Variants in KIAA0319L observed in about 807,000 individuals in gnomAD.
KIAA0319L encodes KIAA0319 like.
Under a neutral mutation model 120.1 loss-of-function variants are expected in KIAA0319L, and 55 were observed. The observed-to-expected ratio is 0.46, with a 90% CI of 0.37 to 0.57. KIAA0319L has a LOEUF of 0.57. Among genes scored for constraint, KIAA0319L ranks in the 20% least tolerant of loss-of-function variants. The probability of loss-of-function intolerance (pLI) is 0.00; values close to 1 mark genes in which losing one functional copy is unlikely to be tolerated. For synonymous variants in KIAA0319L, 398 were observed against 471.9 expected, an observed-to-expected ratio of 0.84 and a Z score of 2.03; for missense variants, 1,049 against 1,255.3, an observed-to-expected ratio of 0.84 and a Z score of 2.48.
At chr1:35,524,948 TCTAG>T (rs1646063146) in intron 2 of KIAA0319L, among the ~76,000 whole-genome samples, 1 of 152,180 alleles carries the variant, frequency 6.6e-6, no homozygotes, top group African/African-American at 2.4e-5. Context: ...GTTCCTTCTA[TCTAG>T]CTGTGTGTAT....
chr1:35,523,434 T>C (rs544655954), intron 2 of KIAA0319L, among the ~76,000 whole-genome samples: 12 of 152,334 alleles, frequency 7.9e-5, no homozygotes, highest in Non-Finnish European at 1.5e-4. Flanking sequence ...CATATGTGTA[T>C]ATGAATGAAG....
chr1:35,478,878 T>C, intron 4 of KIAA0319L, 88 bp downstream of exon 4: 3 of 1,449,110 alleles, frequency 2.1e-6, no homozygotes, highest in Non-Finnish European at 2.8e-6. Flanking sequence ...ATTCAAGTTA[T>C]GCCTCCCTTC....
intron 3 of KIAA0319L, among the ~76,000 whole-genome samples, chr1:35,500,397 T>C (rs1644962176): frequency 6.6e-6 from 1 of 152,122 alleles, no homozygotes; most frequent in Non-Finnish European, 1.5e-5. Flanking sequence ...AAGGGTGCAA[T>C]ACTTAAACTA....
Position 35,443,042 on chromosome 1 carries a change from C to A in KIAA0319L, c.2657-14G>T. 1 of 1,614,010 alleles carries A rather than the reference C, an allele frequency of 6.2e-7. No homozygotes were observed. Among genetic ancestry groups the A allele is most frequent in the South Asian group, 1.1e-5 (1 of 91,064 alleles). ...TCAGCTGACATGCTGAGAGTGGCAGCAAAGGGAAGAAAGTCAACAAGACTC... is the reference window on the plus strand; with the variant it reads ...TCAGCTGACATGCTGAGAGTGGCAGAAAAGGGAAGAAAGTCAACAAGACTC... On this transcript the variant is annotated splice_polypyrimidine_tract_variant and intron_variant, in intron 17 of 20. Transcript: ENST00000325722.
intron 2 of KIAA0319L, among the ~76,000 whole-genome samples, chr1:35,518,731 C>T (rs1192026297): frequency 2.0e-5 from 3 of 152,114 alleles, no homozygotes; most frequent in African/African-American, 7.2e-5. Flanking sequence ...TGGCCAGGCA[C>T]AGTGGCTCAC....
chr1:35,551,540 A>G (rs1489247637), intron 2 of KIAA0319L, among the ~76,000 whole-genome samples: 1 of 152,034 alleles, frequency 6.6e-6, no homozygotes, highest in East Asian at 1.9e-4. Context: ...GGTGGTCTTG[A>G]ACTCCTAACC....
intron 1 of KIAA0319L, 90 bp from the exon 2 acceptor site, chr1:35,554,609 G>A: frequency 1.0e-6 from 1 of 958,898 alleles, no homozygotes; most frequent in Non-Finnish European, 1.5e-6. Flanking sequence ...TGACAGATTA[G>A]GGGAAAGAAA....
At position 35,437,330 on chromosome 1, in the gene KIAA0319L, C is replaced by G. The variant is rs1640873192; in HGVS notation, c.2963-2249G>C. On this transcript the variant is annotated intron_variant, in intron 20 of 20. Coordinates refer to ENST00000325722, the MANE Select transcript of KIAA0319L (RefSeq NM_024874.5). The surrounding 1 kb of genome is among the most constrained non-coding windows in gnomAD (Gnocchi z 4.1). ...CCCTTTCTCTCCTCTCTTCCCTTCT[C>G]CCTCCTTCCTCCTCAGTCAGGAAGC... Among the ~76,000 whole-genome samples, 1 of 152,156 alleles carries G rather than the reference C, an allele frequency of 6.6e-6. No homozygotes were observed.
chr1:35,440,759 GA>G, intron 20 of KIAA0319L: 1 of 430,868 alleles, frequency 2.3e-6, no homozygotes, highest in Non-Finnish European at 4.3e-6. Flanking sequence ...GGGGCAGTTG[GA>G]AAAGCGGAAC....
chr1:35,464,766 C>T (rs993860405), intron 7 of KIAA0319L, among the ~76,000 whole-genome samples: 1 of 152,184 alleles, frequency 6.6e-6, no homozygotes, highest in African/African-American at 2.4e-5. Flanking sequence ...AAAATGGTTT[C>T]GTGGGCCAGG....
intron 2 of KIAA0319L, among the ~76,000 whole-genome samples, chr1:35,530,982 G>C (rs906612336): frequency 6.6e-6 from 1 of 152,182 alleles, no homozygotes; most frequent in Admixed American, 6.5e-5. Flanking sequence ...CTCAGGGTGC[G>C]TGAAAGTGTG....
chr1:35,526,483 T>C (rs948454760), intron 2 of KIAA0319L, among the ~76,000 whole-genome samples: 27 of 149,640 alleles, frequency 1.8e-4, no homozygotes, highest in African/African-American at 6.1e-4. Flanking sequence ...TCTCGCTTTG[T>C]TGCCCAGGCT....
chr1:35,451,830 C>A, intron 12 of KIAA0319L, 54 bp from the exon 13 acceptor site: 1 of 1,574,290 alleles, frequency 6.4e-7, no homozygotes, highest in Non-Finnish European at 8.7e-7. Flanking sequence ...GCTGTCCTGT[C>A]CCTAACTTAG....
At chr1:35,500,993 G>C (rs1207314305) in intron 3 of KIAA0319L, among the ~76,000 whole-genome samples, 1 of 150,164 alleles carries the variant, frequency 6.7e-6, no homozygotes, top group Non-Finnish European at 1.5e-5. Flanking sequence ...GCCAAGCTTT[G>C]TAATGCCTCC....
At chr1:35,455,296 C>T (rs1012547464) in intron 10 of KIAA0319L, among the ~76,000 whole-genome samples, 3 of 152,218 alleles carry the variant, frequency 2.0e-5, no homozygotes, top group Admixed American at 1.3e-4. Flanking sequence ...ACCAGCTGGA[C>T]CTGAAGAGTA....
At position 35,453,163 on chromosome 1, in the gene KIAA0319L, T is replaced by A. The variant is rs774456561; in HGVS notation, c.1913+394A>T. Among the ~76,000 whole-genome samples, 3 of 152,220 alleles carry A rather than the reference T, an allele frequency of 2.0e-5. No individual in the cohort carries two copies. Among genetic ancestry groups the A allele is most frequent in the African/African-American group, 4.8e-5 (2 of 41,452 alleles). On this transcript the variant is annotated intron_variant, in intron 12 of 20. Coordinates refer to ENST00000325722, the MANE Select transcript of KIAA0319L (RefSeq NM_024874.5). The surrounding 1 kb of genome is among the most constrained non-coding windows in gnomAD (Gnocchi z 4.1). Reference sequence around the variant, plus strand: ...TTTCATTTTATGGATGTATTTTCAATTTCTCTTAATAGCTGCTCTGCCCCA... The same window carrying A: ...TTTCATTTTATGGATGTATTTTCAAATTCTCTTAATAGCTGCTCTGCCCCA...
chr1:35,456,273 G>A, intron 9 of KIAA0319L, 32 bp from the exon 10 acceptor site: 1 of 1,405,090 alleles, frequency 7.1e-7, no homozygotes, highest in South Asian at 1.4e-5. Context: ...TGTGATCAGG[G>A]ACGGGTTTAA....
At chr1:35,511,693 G>A (rs1243599560) in intron 2 of KIAA0319L, among the ~76,000 whole-genome samples, 6 of 152,276 alleles carry the variant, frequency 3.9e-5, no homozygotes, top group Non-Finnish European at 5.9e-5. Flanking sequence ...TAAGTGCACC[G>A]CTATCTAGAA....
rs1404028262 is a variant in KIAA0319L, at chr1:35,557,356, A to G, written c.-178T>C. Reference sequence around the variant, plus strand: ...GGTAGTGCGGGCTCCCCACCCGGACAGCTACCTCTCGCCTCAGCCTCCCTG... The same window carrying G: ...GGTAGTGCGGGCTCCCCACCCGGACGGCTACCTCTCGCCTCAGCCTCCCTG... On this transcript the variant is annotated 5_prime_UTR_variant, in exon 1 of 21. Transcript: ENST00000325722. The G allele has an allele frequency of 3.5e-6, 1 of 287,304 alleles. No individual in the cohort carries two copies. 17.8% of individuals were successfully genotyped at this position (287,304 alleles called of 1,614,324 possible). A position where few individuals can be genotyped will look rare whatever the true frequency, so the allele number is the denominator to read the frequency against.
Sources: gnomAD v4.1 joint callset for allele counts (sites outside exome capture counted in the v4.1 genomes callset) on GRCh38, gnomAD v4.1.1 for gene constraint, Gnocchi (gnomAD v3.1) non-coding constraint, MANE v1.5 for transcripts, NCBI Gene and HGNC (gene_info 2026-07-23, HGNC 2026-07-21) for gene names.